The following RCC1 variants were observed in gnomAD, a reference collection of about 807,000 sequenced individuals.
RCC1 encodes regulator of chromosome condensation.
A neutral mutation model predicts 44.4 loss-of-function variants in RCC1; 11 were observed. That is an observed-to-expected ratio of 0.25 (90% CI 0.16 to 0.41). The LOEUF (loss-of-function observed/expected upper bound fraction) is 0.41. Among genes scored for constraint, RCC1 ranks in the 10% least tolerant of loss-of-function variants. RCC1 has a pLI of 1.00. For synonymous variants in RCC1, 213 were observed against 216.5 expected, an observed-to-expected ratio of 0.98 and a Z score of 0.14; for missense variants, 386 against 547.1, an observed-to-expected ratio of 0.71 and a Z score of 2.94.
intron 4 of RCC1, among the ~76,000 whole-genome samples, chr1:28,519,258 TGGA>T (rs1663123442): frequency 6.6e-6 from 1 of 152,084 alleles, no homozygotes; most frequent in African/African-American, 2.4e-5. Context: ...TTGAGGTGAC[TGGA>T]GGAGGAGAGT....
chr1:28,536,032 C>T lies in RCC1; in HGVS notation c.817+6C>T, dbSNP rs1664537648. The T allele has an allele frequency of 1.9e-6, 3 of 1,601,480 alleles. No homozygotes were observed. Among genetic ancestry groups the T allele is most frequent in the Non-Finnish European group, 2.6e-6 (3 of 1,172,666 alleles). On this transcript the variant is annotated splice_donor_region_variant and intron_variant, in intron 10 of 12. Transcript: ENST00000683442. This position sits in a 1 kb window ranked among gnomAD's most constrained non-coding sequence, Gnocchi z 4.9. ...CTCCAACTACCATCAGCTTGGTGAG[C>T]CCCGAGCCCAGCTTCAGGCATGACC...
rs190866979 is a variant in RCC1 at position 28,512,115 on chromosome 1, C to T, written c.-153+3210C>T. On this transcript the variant is annotated intron_variant, in intron 3 of 12. Coordinates refer to ENST00000683442, the MANE Select transcript of RCC1 (RefSeq NM_001381865.2). The stretch of plus-strand genomic sequence containing the variant: ...TCAACCTCCCAAGTAGCTGGGATTA[C>T]AAGCGCCTGCACCGCACCCGGCTAA... Among the ~76,000 whole-genome samples, 5 of 151,272 alleles carry T rather than the reference C, an allele frequency of 3.3e-5. No homozygotes were observed. The East Asian group carries it at 9.8e-4, about 30-fold the overall frequency.
chr1:28,525,244 CAG>C (rs1283611400), intron 4 of RCC1, among the ~76,000 whole-genome samples: 2 of 152,110 alleles, frequency 1.3e-5, no homozygotes, highest in African/African-American at 4.8e-5. Context: ...CCGGTTAGGT[CAG>C]GGGTCGATCT....
At chr1:28,523,027 CTTTTTTTTTTTT>C (rs775851239) in intron 4 of RCC1, among the ~76,000 whole-genome samples, 68 of 91,036 alleles carry the variant, frequency 7.5e-4, no homozygotes, top group African/African-American at 2.7e-3. Flanking sequence ...GAAGAAATTT[CTTTTTTTTTTTT>C]TTTTTTTTTT....
intron 4 of RCC1, chr1:28,518,243 AT>A (rs1252972835): frequency 2.0e-5 from 3 of 152,006 alleles, no homozygotes; most frequent in African/African-American, 7.2e-5. Flanking sequence ...TGCAGAGCGC[AT>A]GCTCTGGGGC....
chr1:28,518,985 C>T (rs1663103263), intron 4 of RCC1: 1 of 152,250 alleles, frequency 6.6e-6, no homozygotes. Flanking sequence ...CACATATTGA[C>T]CTAACTTCGA....
chr1:28,507,285 C>A, intron 1 of RCC1: 1 of 490,338 alleles, frequency 2.0e-6, no homozygotes, highest in South Asian at 1.5e-5. Flanking sequence ...CGTTTGCTTT[C>A]TTGTTTAAGA....
intron 4 of RCC1, chr1:28,518,656 G>A (rs1488350944): frequency 2.0e-5 from 3 of 151,464 alleles, no homozygotes; most frequent in African/African-American, 7.3e-5. Context: ...CCGCCCGGGC[G>A]GGGGATGGGT....
In RCC1 at chr1:28,524,501, A is replaced by G. The variant is rs540893814; in HGVS notation, c.-9-5357A>G. Among the ~76,000 whole-genome samples the G allele has an allele frequency of 5.3e-5, 8 of 152,184 alleles. No individual in the cohort carries two copies. The South Asian group carries it at 8.3e-4, about 16-fold the overall frequency. On this transcript the variant is annotated intron_variant, in intron 4 of 12. Transcript: ENST00000683442. ...TTGAGTCCATGAGTTCGAGGCTGCA[A>G]TAAGCTAATTGCACCACTGCACTCC...
At chr1:28,535,544 T>C in intron 9 of RCC1, 164 bp downstream of exon 9, 1 of 1,028,194 alleles carries the variant, frequency 9.7e-7, no homozygotes, top group Non-Finnish European at 1.5e-6. Flanking sequence ...CCACCTACTG[T>C]CTATGGGACT....
At chr1:28,533,845 C>CTTTTCTTTTTT (rs1664357038) in intron 7 of RCC1, among the ~76,000 whole-genome samples, 1 of 46,870 alleles carries the variant, frequency 2.1e-5, no homozygotes, top group African/African-American at 8.1e-5. Context: ...CTTTTCTTTT[C>CTTTTCTTTTTT]TTTTTTTTTT....
rs750380545 is a variant in RCC1 at position 28,529,848 on chromosome 1, T to G, written c.-9-10T>G. On this transcript the variant is annotated splice_polypyrimidine_tract_variant and intron_variant, in intron 4 of 12. Coordinates refer to ENST00000683442, the MANE Select transcript of RCC1 (RefSeq NM_001381865.2). Reference sequence around the variant, plus strand: ...CCATTTCTCATATGTAGTATTTGACTGACTTTCAGGACAGGAAGATGTCAC... The same window carrying G: ...CCATTTCTCATATGTAGTATTTGACGGACTTTCAGGACAGGAAGATGTCAC... 3 of 1,612,332 alleles carry G rather than the reference T, an allele frequency of 1.9e-6. No homozygotes were observed. Among genetic ancestry groups the G allele is most frequent in the Non-Finnish European group, 2.5e-6 (3 of 1,178,396 alleles).
chr1:28,528,009 CAAAAAA>C (rs56261878), intron 4 of RCC1, among the ~76,000 whole-genome samples: 145 of 97,614 alleles, frequency 1.5e-3, no homozygotes, highest in Admixed American at 2.7e-3. Flanking sequence ...AACTCTGCTT[CAAAAAA>C]AAAAAAAAAA....
chr1:28,534,960 C>G (rs1324112913), intron 7 of RCC1, 90 bp from the exon 8 acceptor site: 1 of 965,974 alleles, frequency 1.0e-6, no homozygotes, highest in African/African-American at 1.6e-5. Context: ...GCCCACTTCT[C>G]CATCCCCATC....
In RCC1 at chr1:28,536,605, G is replaced by A. The variant is rs750782381; in HGVS notation, c.938-142G>A. The A allele has an allele frequency of 1.0e-5, 12 of 1,169,100 alleles. No homozygotes were observed. Among genetic ancestry groups the A allele is most frequent in the Non-Finnish European group, 1.3e-5 (11 of 823,072 alleles). 72.4% of individuals were successfully genotyped at this position (1,169,100 alleles called of 1,614,324 possible). A position where few individuals can be genotyped will look rare whatever the true frequency, so the allele number is the denominator to read the frequency against. On this transcript the variant is annotated intron_variant, in intron 11 of 12. Coordinates refer to ENST00000683442, the MANE Select transcript of RCC1 (RefSeq NM_001381865.2). The surrounding 1 kb of genome is among the most constrained non-coding windows in gnomAD (Gnocchi z 4.9). ...TTCTCCTAGGCCTCCTCCAAAACTGGGAAGAGACACTGCAGATCTCCTTCT... is the reference window on the plus strand; with the variant it reads ...TTCTCCTAGGCCTCCTCCAAAACTGAGAAGAGACACTGCAGATCTCCTTCT...
At position 28,538,215 on chromosome 1, in the gene RCC1, A is replaced by C; in HGVS notation, c.*208A>C. The C allele has an allele frequency of 4.2e-6, 2 of 476,986 alleles. No individual in the cohort carries two copies. Among genetic ancestry groups the C allele is most frequent in the South Asian group, 3.2e-5 (1 of 31,548 alleles). 29.5% of individuals were successfully genotyped at this position (476,986 alleles called of 1,614,324 possible). On this transcript the variant is annotated 3_prime_UTR_variant, in exon 13 of 13. Transcript: ENST00000683442. ...TGGGACCTACAGAATAAAGGGGGGG[A>C]TGGACAGGGGGTTTTCAAAAGGAAC...
chr1:28,523,224 G>A (rs1325300272), intron 4 of RCC1, among the ~76,000 whole-genome samples: 3 of 151,792 alleles, frequency 2.0e-5, no homozygotes, highest in Non-Finnish European at 4.4e-5. Flanking sequence ...GTAGAGACGG[G>A]GTTTCACCGT....
At position 28,536,592 on chromosome 1, in the gene RCC1, T is replaced by G. The variant is rs142186347; in HGVS notation, c.938-155T>G. Among the ~76,000 whole-genome samples, 71 of 152,204 alleles carry G rather than the reference T, an allele frequency of 4.7e-4. No homozygotes were observed. Among genetic ancestry groups the G allele is most frequent in the African/African-American group, 1.6e-3 (67 of 41,528 alleles). ...GGGCCCATGTAGATTCTCCTAGGCC[T>G]CCTCCAAAACTGGGAAGAGACACTG... On this transcript the variant is annotated intron_variant, in intron 11 of 12. Transcript: ENST00000683442. This position sits in a 1 kb window ranked among gnomAD's most constrained non-coding sequence, Gnocchi z 4.9.
intron 2 of RCC1, 37 bp downstream of exon 2, chr1:28,508,197 T>A: frequency 2.3e-6 from 1 of 429,666 alleles, no homozygotes; most frequent in Non-Finnish European, 4.8e-6. Context: ...GCTTATCAGC[T>A]CTTTGTCAAT....
Sources: gnomAD v4.1 joint callset for allele counts (sites outside exome capture counted in the v4.1 genomes callset) on GRCh38, gnomAD v4.1.1 for gene constraint, Gnocchi (gnomAD v3.1) non-coding constraint, MANE v1.5 for transcripts, NCBI Gene and HGNC (gene_info 2026-07-23, HGNC 2026-07-21) for gene names.